Variants in KCNIP4 observed in about 807,000 individuals in gnomAD.
The protein encoded by KCNIP4 is potassium voltage-gated channel interacting protein 4, also known as Kv channel-interacting protein 4.
A neutral mutation model predicts 34.0 loss-of-function variants in KCNIP4; 12 were observed. That is an observed-to-expected ratio of 0.35 (90% CI 0.23 to 0.57). The LOEUF is 0.57. Ranked by LOEUF, KCNIP4 falls within the 20% of genes least tolerant of loss-of-function variation. The pLI, the probability that KCNIP4 is intolerant of heterozygous loss-of-function variation, is 0.83. For synonymous variants in KCNIP4, 124 were observed against 102.2 expected, an observed-to-expected ratio of 1.21 and a Z score of -1.29; for missense variants, 238 against 311.7, an observed-to-expected ratio of 0.76 and a Z score of 1.78.
intron 3 of KCNIP4, among the ~76,000 whole-genome samples, chr4:20,784,763 G>C (rs1280523949): frequency 6.6e-6 from 1 of 152,076 alleles, no homozygotes; most frequent in African/African-American, 2.4e-5. Context: ...GCTCACAATC[G>C]AGTGGAAAGC....
intron 1 of KCNIP4, among the ~76,000 whole-genome samples, chr4:21,688,762 T>C (rs1446435634): frequency 2.6e-5 from 4 of 151,972 alleles, no homozygotes; most frequent in African/African-American, 9.7e-5. Context: ...GTCTGGACCA[T>C]TTAGCTTTTT....
At chr4:21,458,962 A>AT (rs1297688547) in intron 1 of KCNIP4, among the ~76,000 whole-genome samples, 2 of 152,068 alleles carry the variant, frequency 1.3e-5, no homozygotes, top group South Asian at 2.1e-4. Context: ...ACAAGACTAC[A>AT]TCCCCTTTCA....
At chr4:21,086,713 C>T (rs943348089) in intron 1 of KCNIP4, among the ~76,000 whole-genome samples, 5 of 152,100 alleles carry the variant, frequency 3.3e-5, no homozygotes, top group Non-Finnish European at 7.4e-5. Context: ...TCTATCTATG[C>T]TATAGATCTT....
intron 1 of KCNIP4, among the ~76,000 whole-genome samples, chr4:21,131,285 G>A (rs1468620137): frequency 6.6e-6 from 1 of 152,102 alleles, no homozygotes; most frequent in Admixed American, 6.5e-5. Flanking sequence ...TGAACATATG[G>A]AGCCAATCGC....
At chr4:21,578,017 G>T (rs1740880931) in intron 1 of KCNIP4, among the ~76,000 whole-genome samples, 1 of 152,030 alleles carries the variant, frequency 6.6e-6, no homozygotes, top group Non-Finnish European at 1.5e-5. Flanking sequence ...TAAACTATTT[G>T]TTCACTCTGG....
intron 1 of KCNIP4, among the ~76,000 whole-genome samples, chr4:21,139,256 T>C (rs1251636132): frequency 6.6e-6 from 1 of 152,150 alleles, no homozygotes; most frequent in Non-Finnish European, 1.5e-5. Context: ...ATTTGCTTTG[T>C]CCTCGGAAGA....
rs16870496 is a variant in KCNIP4, at chr4:21,157,094, C to T, written c.62-274385G>A. Among the ~76,000 whole-genome samples the T allele has an allele frequency of 4.6e-3, 707 of 152,198 alleles. 3 individuals carry two copies. Among genetic ancestry groups the T allele is most frequent in the African/African-American group, 0.015 (610 of 41,542 alleles). On this transcript the variant is annotated intron_variant, in intron 1 of 8. Transcript: ENST00000382152. ...TTCGGCCTTGAGTAAGACATGTAAC[C>T]TCGCTGAGGCTTCGTTTTACTCTCT...
At chr4:21,831,841 G>T (rs1723008485) in intron 1 of KCNIP4, among the ~76,000 whole-genome samples, 1 of 151,802 alleles carries the variant, frequency 6.6e-6, no homozygotes, top group South Asian at 2.1e-4. Flanking sequence ...ACCAAACAAG[G>T]ATACTGCAAG....
intron 1 of KCNIP4, among the ~76,000 whole-genome samples, chr4:21,742,296 T>C (rs1043579488): frequency 6.6e-6 from 1 of 152,152 alleles, no homozygotes; most frequent in Admixed American, 6.6e-5. Flanking sequence ...CCTTTGCAGA[T>C]GGATGTGTTA....
At chr4:21,630,925 T>C (rs1745722209) in intron 1 of KCNIP4, among the ~76,000 whole-genome samples, 1 of 152,206 alleles carries the variant, frequency 6.6e-6, no homozygotes, top group Non-Finnish European at 1.5e-5. Context: ...TGTTGTGTCT[T>C]GAACACCATA....
intron 1 of KCNIP4, among the ~76,000 whole-genome samples, chr4:21,454,284 A>G (rs1282087434): frequency 6.6e-6 from 1 of 152,138 alleles, no homozygotes. Context: ...TTTATTGACT[A>G]CAGATTTAGT....
At chr4:21,751,344 C>T (rs563772023) in intron 1 of KCNIP4, among the ~76,000 whole-genome samples, 1 of 152,220 alleles carries the variant, frequency 6.6e-6, no homozygotes, top group East Asian at 1.9e-4. Context: ...TGAACTGAAT[C>T]TTAAATTGCA....
At chr4:21,839,520 G>A (rs1206016608) in intron 1 of KCNIP4, among the ~76,000 whole-genome samples, 2 of 152,176 alleles carry the variant, frequency 1.3e-5, no homozygotes, top group East Asian at 1.9e-4. Flanking sequence ...TTGGGAGGCC[G>A]AGGTGGGTGG....
chr4:21,253,850 G>C (rs1760883213), intron 1 of KCNIP4, among the ~76,000 whole-genome samples: 1 of 152,120 alleles, frequency 6.6e-6, no homozygotes, highest in South Asian at 2.1e-4. Flanking sequence ...TAGATATGTG[G>C]GATGTTATTC....
intron 1 of KCNIP4, among the ~76,000 whole-genome samples, chr4:21,635,729 G>A (rs1424269656): frequency 6.6e-6 from 1 of 152,126 alleles, no homozygotes; most frequent in Non-Finnish European, 1.5e-5. Flanking sequence ...AAGTCAGTGT[G>A]GCGATTCCTC....
At chr4:21,390,971 A>T (rs947366466) in intron 1 of KCNIP4, among the ~76,000 whole-genome samples, 2 of 152,068 alleles carry the variant, frequency 1.3e-5, no homozygotes, top group African/African-American at 2.4e-5. Context: ...ACTTGCCAAC[A>T]TTTGTTATTA....
At chr4:20,827,198 G>A (rs1380858679) in intron 3 of KCNIP4, among the ~76,000 whole-genome samples, 1 of 152,178 alleles carries the variant, frequency 6.6e-6, no homozygotes, top group Non-Finnish European at 1.5e-5. Context: ...TCACCAGGCT[G>A]TGAGAAAAGC....
intron 3 of KCNIP4, among the ~76,000 whole-genome samples, chr4:20,811,899 T>C (rs1017140243): frequency 6.6e-6 from 1 of 152,032 alleles, no homozygotes; most frequent in African/African-American, 2.4e-5. Flanking sequence ...GATGGGCAGG[T>C]TGGGGCTGGA....
intron 1 of KCNIP4, among the ~76,000 whole-genome samples, chr4:20,986,653 G>A (rs1219148646): frequency 1.3e-5 from 2 of 152,110 alleles, no homozygotes; most frequent in Admixed American, 6.5e-5. Flanking sequence ...CCAAATTCAC[G>A]CTTTTCCCTT....
Sources: allele counts gnomAD v4.1 joint callset (sites outside exome capture counted in the v4.1 genomes callset), GRCh38; gene constraint gnomAD v4.1.1; transcripts MANE v1.5; gene names NCBI Gene and HGNC (gene_info 2026-07-23, HGNC 2026-07-21).